The following RYK variants were observed in gnomAD, a reference collection of about 807,000 sequenced individuals.
RYK encodes receptor like tyrosine kinase, also known as inactive tyrosine-protein kinase RYK.
A neutral mutation model predicts 70.2 loss-of-function variants in RYK; 21 were observed. That is an observed-to-expected ratio of 0.30 (90% CI 0.21 to 0.43). The LOEUF (loss-of-function observed/expected upper bound fraction) is 0.43. RYK is among the 20% of genes least tolerant of loss of function. The pLI, the probability that RYK is intolerant of heterozygous loss-of-function variation, is 1.00. For synonymous variants in RYK, 267 were observed against 278.0 expected (o/e 0.96, Z 0.39); for missense variants, 604 against 753.3 (o/e 0.80, Z 2.32).
chr3:134,215,991 G>A (rs888469422), intron 2 of RYK, among the ~76,000 whole-genome samples: 2 of 144,700 alleles, frequency 1.4e-5, no homozygotes, highest in Non-Finnish European at 3.0e-5. Flanking sequence ...AGCCAAGATC[G>A]CACCACTGCA....
intron 6 of RYK, among the ~76,000 whole-genome samples, chr3:134,201,652 A>G (rs951318792): frequency 6.6e-6 from 1 of 152,230 alleles, no homozygotes; most frequent in Non-Finnish European, 1.5e-5. Flanking sequence ...TGGAAAATGC[A>G]TGGAGGCTTG....
At chr3:134,196,703 T>C (rs1020875242) in intron 6 of RYK, among the ~76,000 whole-genome samples, 25 of 151,738 alleles carry the variant, frequency 1.6e-4, no homozygotes, top group African/African-American at 5.8e-4. Context: ...ATCTGAAAAA[T>C]GTAAATATAT....
At chr3:134,226,138 T>C (rs993345313) in intron 1 of RYK, among the ~76,000 whole-genome samples, 5 of 151,826 alleles carry the variant, frequency 3.3e-5, no homozygotes, top group African/African-American at 1.2e-4. Context: ...GTTAAACCCT[T>C]CACAAGGCTG....
Position 134,178,079 on chromosome 3 carries a change from A to C in RYK, c.1173-6T>G, listed in dbSNP as rs1187759105. ...GAGTAATAGGAAGAAGATTTCTATAAAATAATAAAAAATTGGGAGAAAGAC... is the reference window on the plus strand; with the variant it reads ...GAGTAATAGGAAGAAGATTTCTATACAATAATAAAAAATTGGGAGAAAGAC... On this transcript the variant is annotated splice_region_variant and splice_polypyrimidine_tract_variant and intron_variant, in intron 10 of 14. Transcript: ENST00000623711. 6.5e-7 allele frequency: 1 copy of C among 1,545,020 alleles called. No homozygotes were observed.
At chr3:134,196,910 A>C (rs1046584113) in intron 6 of RYK, among the ~76,000 whole-genome samples, 5 of 152,020 alleles carry the variant, frequency 3.3e-5, no homozygotes, top group African/African-American at 1.2e-4. Flanking sequence ...CATAGATCTC[A>C]AGATACATGT....
intron 9 of RYK, among the ~76,000 whole-genome samples, chr3:134,186,585 C>T (rs2013470619): frequency 6.6e-6 from 1 of 152,194 alleles, no homozygotes; most frequent in Non-Finnish European, 1.5e-5. Context: ...TGTGCTTTCT[C>T]TTATTTCCGC....
At chr3:134,197,977 A>G (rs192501935) in intron 6 of RYK, among the ~76,000 whole-genome samples, 2 of 152,330 alleles carry the variant, frequency 1.3e-5, no homozygotes, top group East Asian at 3.9e-4. Context: ...CCCTAAAATA[A>G]GCAAAGCACT....
intron 6 of RYK, among the ~76,000 whole-genome samples, chr3:134,198,899 G>A (rs1180187738): frequency 2.0e-5 from 3 of 152,152 alleles, no homozygotes; most frequent in Non-Finnish European, 4.4e-5. Flanking sequence ...GCATGGGGGC[G>A]GTGGTGGGGA....
chr3:134,225,263 T>C (rs910530240), intron 1 of RYK, among the ~76,000 whole-genome samples: 3 of 152,152 alleles, frequency 2.0e-5, no homozygotes, highest in African/African-American at 7.2e-5. Context: ...CTTAGTCTAG[T>C]CTAGATAGGT....
chr3:134,220,104 T>C (rs1276557495), intron 2 of RYK, among the ~76,000 whole-genome samples: 1 of 152,196 alleles, frequency 6.6e-6, no homozygotes, highest in Non-Finnish European at 1.5e-5. Context: ...GAGATATTCC[T>C]GAATCTAATC....
In RYK at chr3:134,209,699, G is replaced by T; in HGVS notation, c.585C>A (p.Tyr195Ter). 6.9e-7 allele frequency: 1 copy of T among 1,457,640 alleles called. No homozygotes were observed. The highest frequency in any genetic ancestry group is 1.4e-5 in the South Asian group (1 of 69,998). The allele number at this position is 1,457,640 out of a possible 1,614,324, so 90.3% of individuals were successfully genotyped here. Residue 195 changes from tyrosine (Y) to a stop codon, truncating the protein, a stop_gained, in exon 4 of 15, where the codon TAC becomes TAA. Transcript: ENST00000623711. LOFTEE classifies it high-confidence loss of function. Reference sequence around the variant, plus strand: ...TTTGGTAAATAAATTCCTTACTTTTGTAGCACATTTTCCTTCGTTTAAAAT... The same window carrying T: ...TTTGGTAAATAAATTCCTTACTTTTTTAGCACATTTTCCTTCGTTTAAAAT... The part of the protein sequence containing the change: ...VLNFKRRKMC[Y>*]KKLEEVKTSA...
chr3:134,171,725 C>G (rs114639194), intron 13 of RYK, among the ~76,000 whole-genome samples: 1 of 151,994 alleles, frequency 6.6e-6, no homozygotes, highest in Non-Finnish European at 1.5e-5. Context: ...GAATTAGCCA[C>G]GTGTGGTGGC....
At chr3:134,172,521 G>T (rs995233997) in intron 13 of RYK, among the ~76,000 whole-genome samples, 1 of 152,098 alleles carries the variant, frequency 6.6e-6, no homozygotes, top group African/African-American at 2.4e-5. Context: ...TCAAAGAGTA[G>T]AACTAGTCCT....
At chr3:134,212,092 T>C (rs1196158921) in intron 2 of RYK, among the ~76,000 whole-genome samples, 6 of 152,210 alleles carry the variant, frequency 3.9e-5, no homozygotes, top group African/African-American at 7.2e-5. Flanking sequence ...AGATTTCTCA[T>C]AGAATATCTA....
intron 1 of RYK, among the ~76,000 whole-genome samples, chr3:134,240,568 T>C (rs1210531544): frequency 6.6e-6 from 1 of 152,298 alleles, no homozygotes; most frequent in South Asian, 2.1e-4. Flanking sequence ...ACATAACTTT[T>C]CAACAGAGTG....
At chr3:134,247,938 C>T (rs189360498) in intron 1 of RYK, among the ~76,000 whole-genome samples, 2 of 152,136 alleles carry the variant, frequency 1.3e-5, no homozygotes, top group Non-Finnish European at 2.9e-5. Context: ...TTCTAAAATA[C>T]GGTGCAAAGC....
At chr3:134,175,077 T>C (rs994218225) in intron 13 of RYK, among the ~76,000 whole-genome samples, 3 of 152,212 alleles carry the variant, frequency 2.0e-5, no homozygotes, top group African/African-American at 7.2e-5. Flanking sequence ...GGCTCACACC[T>C]GTAATCCCAG....
chr3:134,189,092 A>G (rs551453464), intron 8 of RYK, among the ~76,000 whole-genome samples, 169 bp from the exon 9 acceptor site: 2 of 151,302 alleles, frequency 1.3e-5, no homozygotes, highest in South Asian at 2.1e-4. Flanking sequence ...ACGACTGTTA[A>G]AAGTTTTTTG....
chr3:134,222,344 A>G, intron 2 of RYK, 74 bp downstream of exon 2: 1 of 1,516,058 alleles, frequency 6.6e-7, no homozygotes. Flanking sequence ...ACAGCAGCCC[A>G]GTCCTCAAAC....
Sources: allele counts gnomAD v4.1 joint callset (sites outside exome capture counted in the v4.1 genomes callset), GRCh38; gene constraint gnomAD v4.1.1; transcripts MANE v1.5; gene names NCBI Gene and HGNC (gene_info 2026-07-23, HGNC 2026-07-21).